MRPL2: variants seen among roughly 807,000 people sequenced by gnomAD.
The protein encoded by MRPL2 is large ribosomal subunit protein uL2m.
In MRPL2, 27 loss-of-function variants were observed where a neutral mutation model predicts 34.6. The observed-to-expected ratio is 0.78, with a 90% CI of 0.58 to 1.08. The LOEUF (loss-of-function observed/expected upper bound fraction) is 1.08. Among genes scored for constraint, MRPL2 ranks in the 50% least tolerant of loss-of-function variants. The pLI, the probability that MRPL2 is intolerant of heterozygous loss-of-function variation, is 0.00. For missense variants in MRPL2, 414 were observed against 419.3 expected (o/e 0.99, Z 0.11); for synonymous variants, 155 against 158.0 (o/e 0.98, Z 0.14).
Position 43,055,956 on chromosome 6 carries a change from G to A in MRPL2, c.572C>T (p.Thr191Ile). Residue 191 changes from threonine (T) to isoleucine (I), a missense_variant, in exon 5 of 7, where the codon ACC becomes ATC. Transcript: ENST00000388752. ...CTCACTTTCCACGTTGTTGATGAGG[G>A]TCCCCACAGGCAGAGCCCCAAGAGG... ...AHPLGALPVG[T>I]LINNVESEPG... The A allele has an allele frequency of 6.2e-7, 1 of 1,614,066 alleles. No homozygotes were observed. Among genetic ancestry groups the A allele is most frequent in the East Asian group, 2.2e-5 (1 of 44,878 alleles).
In MRPL2 at chr6:43,059,409, G is replaced by C. The variant is rs1765012233; in HGVS notation, c.-28C>G. The C allele has an allele frequency of 4.0e-6, 6 of 1,518,264 alleles. No individual in the cohort carries two copies. The highest frequency in any genetic ancestry group is 1.2e-5 in the South Asian group (1 of 80,352). 94.0% of individuals were successfully genotyped at this position (1,518,264 alleles called of 1,614,324 possible). On this transcript the variant is annotated 5_prime_UTR_variant, in exon 1 of 7. Coordinates refer to ENST00000388752, the MANE Select transcript of MRPL2 (RefSeq NM_015950.5). ...GCACGACACCCTTACTTTTAGCCAA[G>C]CTGCTCGGTGCTCCTAGATGACGTT...
intron 6 of MRPL2, among the ~76,000 whole-genome samples, chr6:43,054,738 G>T (rs1764775122): frequency 6.6e-6 from 1 of 152,034 alleles, no homozygotes; most frequent in Non-Finnish European, 1.5e-5. Flanking sequence ...AGAAGTTCAA[G>T]ACCAGCCTGG....
chr6:43,054,288 A>C lies in MRPL2; in HGVS notation c.904T>G (p.Ser302Ala), dbSNP rs2150342223. The C allele has an allele frequency of 6.2e-7, 1 of 1,606,766 alleles. No individual in the cohort carries two copies. The highest frequency in any genetic ancestry group is 1.3e-5 in the African/African-American group (1 of 74,202). ...GTACAGGGATATCAGCTTTGGGCAG[A>C]AGCAGAAGGCAGCTTCACGTAACTC... The part of the protein sequence containing the change: ...MKSYVKLPSA[S>A]AQS Residue 302 changes from serine (S) to alanine (A), a missense_variant, in exon 7 of 7, where the codon TCT (serine) becomes GCT (alanine). Transcript: ENST00000388752.
At chr6:43,059,505 A>G (rs1209799584), upstream of MRPL2, 3 of 1,442,476 alleles carry the variant, frequency 2.1e-6, no homozygotes, top group South Asian at 1.5e-5. Context: ...CAAGCTGGAT[A>G]CACACCTCCT....
chr6:43,055,155 G>T (rs891100274), intron 6 of MRPL2, among the ~76,000 whole-genome samples: 1 of 151,938 alleles, frequency 6.6e-6, no homozygotes, highest in Admixed American at 6.6e-5. Context: ...ATGAGGTAAG[G>T]AGTTTGAGAC....
chr6:43,054,313 C>A lies in MRPL2; in HGVS notation c.879G>T (p.Lys293Asn). ...GRKIRPLPPM[K>N]SYVKLPSASA... ...AAGCAGAAGGCAGCTTCACGTAACTCTTCATGGGGGGTAGTGGCCGAATCT... is the reference window on the plus strand; with the variant it reads ...AAGCAGAAGGCAGCTTCACGTAACTATTCATGGGGGGTAGTGGCCGAATCT... Residue 293 changes from lysine (K) to asparagine (N), a missense_variant, in exon 7 of 7, where the codon AAG (lysine) becomes AAT (asparagine). Transcript: ENST00000388752. The A allele has an allele frequency of 6.2e-7, 1 of 1,611,718 alleles. No homozygotes were observed. The highest frequency in any genetic ancestry group is 8.5e-7 in the Non-Finnish European group (1 of 1,179,500).
chr6:43,055,672 A>C, intron 5 of MRPL2, 54 bp from the exon 6 acceptor site: 1 of 1,597,584 alleles, frequency 6.3e-7, no homozygotes, highest in Non-Finnish European at 8.6e-7. Context: ...GTGCAGAGGG[A>C]CTTACACAGG....
chr6:43,055,414 G>T, intron 6 of MRPL2, 131 bp downstream of exon 6: 1 of 805,992 alleles, frequency 1.2e-6, no homozygotes, highest in Non-Finnish European at 2.0e-6. Context: ...TGAGTCATGT[G>T]GCAGAAAAGG....
chr6:43,058,296 A>C (rs181829882), intron 1 of MRPL2, 63 bp from the exon 2 acceptor site: 10 of 1,529,932 alleles, frequency 6.5e-6, no homozygotes, highest in Middle Eastern at 1.7e-4. Context: ...TCAGAGAACC[A>C]AGGCAGAGGG....
intron 1 of MRPL2, 102 bp downstream of exon 1, chr6:43,059,184 A>G: frequency 2.6e-6 from 4 of 1,550,656 alleles, no homozygotes; most frequent in Non-Finnish European, 3.5e-6. Flanking sequence ...ACGGACCTGC[A>G]TGACTCCTGA....
In MRPL2 at chr6:43,054,239, G is replaced by C. The variant is rs746944790; in HGVS notation, c.*35C>G. 5.3e-5 allele frequency: 7 copies of C among 132,566 alleles called. 1 individual carries two copies. The South Asian group carries it at 5.8e-4, about 11-fold the overall frequency. 8.2% of individuals were successfully genotyped at this position (132,566 alleles called of 1,614,324 possible). A position where few individuals can be genotyped will look rare whatever the true frequency, so the allele number is the denominator to read the frequency against. On this transcript the variant is annotated 3_prime_UTR_variant, in exon 7 of 7. Coordinates refer to ENST00000388752, the MANE Select transcript of MRPL2 (RefSeq NM_015950.5). ...CAAAACCACAGTAACAGATTAAAAC[G>C]GGGGGGGGGGGCATTTTATTAGAGT...
chr6:43,056,184 T>C lies in MRPL2; in HGVS notation c.417A>G (p.Ile139Met), dbSNP rs1764873359. 6.2e-7 allele frequency: 1 copy of C among 1,614,142 alleles called. No homozygotes were observed. The highest frequency in any genetic ancestry group is 8.5e-7 in the Non-Finnish European group (1 of 1,179,988). ...VRYDPCRSAD[I>M]ALVAGGSRKR... ...TCCGGCTGCCCCCAGCAACCAGAGC[T>C]ATGTCTGCTGACCTAATCAGGGTGA... Residue 139 changes from isoleucine (I) to methionine (M), a missense_variant, in exon 4 of 7, where the codon ATA (isoleucine) becomes ATG (methionine). Ile to Met is a conservative substitution (Grantham distance 10, BLOSUM62 1). Coordinates refer to ENST00000388752, the MANE Select transcript of MRPL2 (RefSeq NM_015950.5).
intron 2 of MRPL2, 37 bp from the exon 3 acceptor site, chr6:43,056,482 C>T: frequency 6.2e-7 from 1 of 1,613,200 alleles, no homozygotes; most frequent in Non-Finnish European, 8.5e-7. Flanking sequence ...TGATTCAGGT[C>T]AGAGTAGTTT....
In MRPL2 at chr6:43,054,186, CAACAAAAAA is replaced by C; in HGVS notation, c.*79_*87del. On this transcript the variant is annotated 3_prime_UTR_variant, in exon 7 of 7. Coordinates refer to ENST00000388752, the MANE Select transcript of MRPL2 (RefSeq NM_015950.5). ...CCCCTCCCCCGCAAAAAAAAAACAA[CAACAAAAAA>C]AACAAAAAACACCCAAAACAAAACC... 1.0e-6 allele frequency: 1 copy of C among 999,040 alleles called. No homozygotes were observed. The highest frequency in any genetic ancestry group is 1.8e-5 in the African/African-American group (1 of 54,480). The allele number at this position is 999,040 out of a possible 1,614,324, so 61.9% of individuals were successfully genotyped here. A position where few individuals can be genotyped will look rare whatever the true frequency, so the allele number is the denominator to read the frequency against.
rs1581992323 is a variant in MRPL2 at position 43,059,397 on chromosome 6, A to C, written c.-16T>G. ...ACAGGGCCATCAGCACGACACCCTT[A>C]CTTTTAGCCAAGCTGCTCGGTGCTC... On this transcript the variant is annotated 5_prime_UTR_variant, in exon 1 of 7. Coordinates refer to ENST00000388752, the MANE Select transcript of MRPL2 (RefSeq NM_015950.5). 2.0e-6 allele frequency: 3 copies of C among 1,531,500 alleles called. No homozygotes were observed. In the East Asian group the frequency reaches 7.4e-5, roughly 38 times the overall value. The allele number at this position is 1,531,500 out of a possible 1,614,324, so 94.9% of individuals were successfully genotyped here. A position where few individuals can be genotyped will look rare whatever the true frequency, so the allele number is the denominator to read the frequency against.
At chr6:43,056,036 A>G (rs1026957337) in intron 4 of MRPL2, 29 bp from the exon 5 acceptor site, 1 of 1,613,972 alleles carries the variant, frequency 6.2e-7, no homozygotes, top group African/African-American at 1.3e-5. Flanking sequence ...TTAGCTCTAG[A>G]ACTTTTGCTG....
Position 43,054,361 on chromosome 6 carries a change from G to T in MRPL2, c.831C>A (p.Arg277=), listed in dbSNP as rs1318189876. Residue 277 remains arginine (R), a synonymous_variant, in exon 7 of 7, where the codon CGC becomes CGA. Coordinates refer to ENST00000388752, the MANE Select transcript of MRPL2 (RefSeq NM_015950.5). ...GKRPNSGRWH[R]KGGWAGRKIR... ...TCTTTCGGCCAGCCCAGCCCCCCTT[G>T]CGGTGCCACCGCCCACTGTTAGGCC... 3 of 1,614,030 alleles carry T rather than the reference G, an allele frequency of 1.9e-6. No homozygotes were observed. The African/African-American group carries it at 4.0e-5, about 22-fold the overall frequency.
At chr6:43,056,232 A>G (rs1484073199) in intron 3 of MRPL2, 36 bp from the exon 4 acceptor site, 1 of 1,612,460 alleles carries the variant, frequency 6.2e-7, no homozygotes. Flanking sequence ...CAGACCGTCT[A>G]GGCAGCCCCA....
At chr6:43,059,465 G>A (rs1765016196), upstream of MRPL2, 2 of 1,460,054 alleles carry the variant, frequency 1.4e-6, no homozygotes, top group Admixed American at 2.6e-5. Flanking sequence ...CCGCAATAAC[G>A]TAAAAGGAGG....
Sources: allele counts gnomAD v4.1 joint callset (sites outside exome capture counted in the v4.1 genomes callset), GRCh38; gene constraint gnomAD v4.1.1; transcripts MANE v1.5; gene names NCBI Gene and HGNC (gene_info 2026-07-23, HGNC 2026-07-21).